The following OR1J2 variants were observed in gnomAD, a reference collection of about 807,000 sequenced individuals.
OR1J2 encodes olfactory receptor 1J2.
For missense variants in OR1J2, 304 were observed against 246.1 expected (o/e 1.24, Z -1.57); for synonymous variants, 142 against 99.7 (o/e 1.42, Z -2.52).
At chr9:122,461,932 C>T in the OR1J2 span, among the ~76,000 whole-genome samples, 1 of 152,008 alleles carries the variant, frequency 6.6e-6, no homozygotes, top group Admixed American at 6.6e-5. Context: ...GTGTTAAGTC[C>T]ATTTGTTCTA....
At chr9:122,519,789 T>G in the OR1J2 span, 1 of 1,614,232 alleles carries the variant, frequency 6.2e-7, no homozygotes, top group Non-Finnish European at 8.5e-7. Context: ...CATCTTGATC[T>G]CTTATGGCCA....
chr9:122,536,622 T>A, the OR1J2 span, among the ~76,000 whole-genome samples: 1 of 152,220 alleles, frequency 6.6e-6, no homozygotes, highest in South Asian at 2.1e-4. Context: ...AACTGACAAT[T>A]GTAATTTTTT....
the OR1J2 span, among the ~76,000 whole-genome samples, chr9:122,481,185 A>G: frequency 9.9e-5 from 15 of 152,220 alleles, no homozygotes; most frequent in Admixed American, 2.0e-4. Context: ...AAGTGAGAAC[A>G]TGCAGTATTT....
At chr9:122,509,477 T>C (rs189187870), upstream of OR1J2, among the ~76,000 whole-genome samples, 1 of 152,324 alleles carries the variant, frequency 6.6e-6, no homozygotes, top group Non-Finnish European at 1.5e-5. Flanking sequence ...TTAAACTGCT[T>C]TGTGTTGACA....
chr9:122,566,900 G>A, the OR1J2 span, among the ~76,000 whole-genome samples: 3 of 152,086 alleles, frequency 2.0e-5, no homozygotes, highest in African/African-American at 4.8e-5. Context: ...GTTATCCCTT[G>A]TGGTTTTTGT....
At chr9:122,483,499 G>A in the OR1J2 span, among the ~76,000 whole-genome samples, 8 of 152,144 alleles carry the variant, frequency 5.3e-5, no homozygotes, top group Admixed American at 6.5e-5. Context: ...AACTATGCTC[G>A]TGTAATATAT....
At chr9:122,527,187 G>A in the OR1J2 span, 1 of 1,614,102 alleles carries the variant, frequency 6.2e-7, no homozygotes, top group South Asian at 1.1e-5. Context: ...CCCAGTCAAG[G>A]TGACAAGATA....
the OR1J2 span, among the ~76,000 whole-genome samples, chr9:122,534,475 G>A: frequency 2.0e-5 from 3 of 152,256 alleles, no homozygotes; most frequent in Non-Finnish European, 1.5e-5. Flanking sequence ...AAGAAAAAGA[G>A]CATTAACCTT....
the OR1J2 span, among the ~76,000 whole-genome samples, chr9:122,486,551 G>A: frequency 0.034 from 5,197 of 152,282 alleles, 262 homozygotes; most frequent in African/African-American, 0.12. Flanking sequence ...GGTGATGTCA[G>A]TAATACTGAT....
chr9:122,484,641 T>C, the OR1J2 span, among the ~76,000 whole-genome samples: 1 of 152,126 alleles, frequency 6.6e-6, no homozygotes, highest in African/African-American at 2.4e-5. Context: ...CTGAAAATTC[T>C]CTCCCATTTA....
chr9:122,490,340 A>G, the OR1J2 span, among the ~76,000 whole-genome samples: 3 of 152,098 alleles, frequency 2.0e-5, no homozygotes, highest in Non-Finnish European at 4.4e-5. Context: ...AAATATATAT[A>G]TATCTCTTTT....
chr9:122,504,129 G>T, the OR1J2 span, among the ~76,000 whole-genome samples: 1 of 152,158 alleles, frequency 6.6e-6, no homozygotes, highest in Non-Finnish European at 1.5e-5. Context: ...TGCCAAATTT[G>T]CTGCTGTGTC....
the OR1J2 span, chr9:122,553,590 G>C: frequency 6.2e-7 from 1 of 1,614,114 alleles, no homozygotes; most frequent in Non-Finnish European, 8.5e-7. Context: ...TGACCGCTAT[G>C]TGGCCATCTG....
the OR1J2 span, among the ~76,000 whole-genome samples, chr9:122,455,980 C>T: frequency 6.6e-6 from 1 of 152,152 alleles, no homozygotes; most frequent in Non-Finnish European, 1.5e-5. Flanking sequence ...TCTTAGCACC[C>T]AGGTTAAAAA....
At chr9:122,553,709 G>A in the OR1J2 span, 6 of 1,614,026 alleles carry the variant, frequency 3.7e-6, no homozygotes, top group Non-Finnish European at 5.1e-6. Context: ...CACTGTTGCT[G>A]ACCCGCGTGG....
the OR1J2 span, among the ~76,000 whole-genome samples, chr9:122,491,606 G>A: frequency 1.3e-5 from 2 of 152,152 alleles, no homozygotes; most frequent in South Asian, 2.1e-4. Flanking sequence ...GTAGAGCCAA[G>A]GTTAAGTGCT....
chr9:122,541,013 T>C, the OR1J2 span, among the ~76,000 whole-genome samples: 1 of 152,148 alleles, frequency 6.6e-6, no homozygotes, highest in Admixed American at 6.5e-5. Flanking sequence ...CAAACACAGA[T>C]GGCCTAATCA....
the OR1J2 span, among the ~76,000 whole-genome samples, chr9:122,530,224 GA>G: frequency 1.3e-5 from 2 of 152,186 alleles, no homozygotes; most frequent in Non-Finnish European, 2.9e-5. Context: ...AGCTGGAACA[GA>G]AAAAATCAGA....
chr9:122,523,567 A>T, the OR1J2 span, among the ~76,000 whole-genome samples: 1 of 152,192 alleles, frequency 6.6e-6, no homozygotes, highest in Admixed American at 6.5e-5. Context: ...GTGTGCCTGG[A>T]TGAAGACAAT....
Sources: gnomAD v4.1 joint callset for allele counts (sites outside exome capture counted in the v4.1 genomes callset) on GRCh38, gnomAD v4.1.1 for gene constraint, MANE v1.5 for transcripts, NCBI Gene and HGNC (gene_info 2026-07-23, HGNC 2026-07-21) for gene names.